Variants in HPCAL1 observed in about 807,000 individuals in gnomAD.
The protein encoded by HPCAL1 is hippocalcin-like protein 1.
A neutral mutation model predicts 17.1 loss-of-function variants in HPCAL1; 8 were observed. The observed-to-expected ratio is 0.47, with a 90% confidence interval of 0.27 to 0.84. The LOEUF (loss-of-function observed/expected upper bound fraction) is 0.84. HPCAL1 is among the 40% of genes least tolerant of loss of function. The pLI is 0.13. For missense variants in HPCAL1, 165 were observed against 271.1 expected (o/e 0.61, Z 2.75); for synonymous variants, 112 against 111.4 (o/e 1.01, Z -0.03).
At chr2:10,315,028 A>G (rs112993445) in intron 1 of HPCAL1, among the ~76,000 whole-genome samples, 1 of 152,176 alleles carries the variant, frequency 6.6e-6, no homozygotes, top group Non-Finnish European at 1.5e-5. Flanking sequence ...GCGGTGGCTC[A>G]CGCCTGTAAT....
At chr2:10,413,324 G>T (rs941575729) in intron 2 of HPCAL1, among the ~76,000 whole-genome samples, 9 of 152,354 alleles carry the variant, frequency 5.9e-5, no homozygotes, top group Admixed American at 3.9e-4. Flanking sequence ...GGGTCACACT[G>T]GAATACCAGC....
Position 10,372,139 on chromosome 2 carries a change from T to A in HPCAL1, c.-110-24696T>A, listed in dbSNP as rs923849972. ...CAGTCCAGCGCTTTTCACCATCTGGTCTGGTTTTAGTGTTGCTTTATTTCT... is the reference window on the plus strand; with the variant it reads ...CAGTCCAGCGCTTTTCACCATCTGGACTGGTTTTAGTGTTGCTTTATTTCT... On this transcript the variant is annotated intron_variant, in intron 1 of 4. Transcript: ENST00000307845. 5.9e-5 allele frequency among the ~76,000 whole-genome samples: 9 copies of A among 152,256 alleles called. No individual in the cohort carries two copies. The South Asian group carries it at 8.3e-4, about 14-fold the overall frequency.
chr2:10,414,513 T>G (rs1196247661), intron 2 of HPCAL1, among the ~76,000 whole-genome samples: 1 of 152,184 alleles, frequency 6.6e-6, no homozygotes, highest in East Asian at 1.9e-4. Flanking sequence ...TCTCCTCTTC[T>G]TATAAGGACA....
Position 10,419,745 on chromosome 2 carries a change from G to C in HPCAL1, c.-13G>C. 6.2e-7 allele frequency: 1 copy of C among 1,601,218 alleles called. No individual in the cohort carries two copies. The highest frequency in any genetic ancestry group is 1.3e-5 in the African/African-American group (1 of 74,822). On this transcript the variant is annotated 5_prime_UTR_variant, in exon 3 of 5. Coordinates refer to ENST00000307845, the MANE Select transcript of HPCAL1 (RefSeq NM_002149.4). The surrounding 1 kb of genome is among the most constrained non-coding windows in gnomAD (Gnocchi z 5.0). ...CCCCTGTCTTGCAGGTGTAGTCGCC[G>C]CCGCCAGCCGCCATGGGCAAACAGA...
intron 1 of HPCAL1, among the ~76,000 whole-genome samples, chr2:10,311,950 A>G (rs57488937): frequency 0.039 from 5,854 of 151,860 alleles, 373 homozygotes; most frequent in African/African-American, 0.13. Flanking sequence ...CACTGTCATC[A>G]TCACCATCAT....
intron 1 of HPCAL1, among the ~76,000 whole-genome samples, chr2:10,380,963 T>C (rs1027931196): frequency 6.6e-6 from 1 of 152,234 alleles, no homozygotes; most frequent in African/African-American, 2.4e-5. Context: ...TAAATGAGAC[T>C]TCTATTCCAG....
intron 1 of HPCAL1, among the ~76,000 whole-genome samples, chr2:10,319,527 C>T (rs1663534001): frequency 7.6e-6 from 1 of 131,948 alleles, no homozygotes; most frequent in Non-Finnish European, 1.6e-5. Flanking sequence ...CTCAAACAGC[C>T]AGCTGTGTGA....
chr2:10,390,931 A>G (rs1668649711), intron 1 of HPCAL1, among the ~76,000 whole-genome samples: 1 of 152,214 alleles, frequency 6.6e-6, no homozygotes, highest in Non-Finnish European at 1.5e-5. Context: ...CTTAGAGAAC[A>G]TGAATATTCC....
At position 10,331,354 on chromosome 2, in the gene HPCAL1, CCCT is replaced by C. The variant is rs142378970; in HGVS notation, c.-111+28184_-111+28186del. 4.8e-3 allele frequency among the ~76,000 whole-genome samples: 725 copies of C among 152,324 alleles called. 2 individuals are homozygous for C. Among genetic ancestry groups the C allele is most frequent in the Middle Eastern group, 0.014 (4 of 294 alleles). ...CACCTCGCCACCTACGCATCGTCAC[CCCT>C]CCTCCTGCGTTTCCTCCTGTCTCCC... On this transcript the variant is annotated intron_variant, in intron 1 of 4. Coordinates refer to ENST00000307845, the MANE Select transcript of HPCAL1 (RefSeq NM_002149.4). The surrounding 1 kb of genome is among the most constrained non-coding windows in gnomAD (Gnocchi z 5.0).
chr2:10,305,586 A>C (rs1246128452), intron 1 of HPCAL1, among the ~76,000 whole-genome samples: 1 of 152,182 alleles, frequency 6.6e-6, no homozygotes, highest in Non-Finnish European at 1.5e-5. Context: ...AATTTGGGAG[A>C]CTTTGTCTTT....
chr2:10,329,033 T>C (rs567492776), intron 1 of HPCAL1, among the ~76,000 whole-genome samples: 1 of 152,302 alleles, frequency 6.6e-6, no homozygotes, highest in South Asian at 2.1e-4. Flanking sequence ...TCTTGCCGTG[T>C]TGCCCAGGCT....
intron 3 of HPCAL1, 139 bp downstream of exon 3, chr2:10,420,274 ATC>A: frequency 1.3e-6 from 1 of 768,180 alleles, no homozygotes; most frequent in Non-Finnish European, 2.0e-6. Context: ...CAGTGGCACT[ATC>A]TCAGCTCACT....
intron 1 of HPCAL1, among the ~76,000 whole-genome samples, chr2:10,392,073 C>T (rs187747642): frequency 1.4e-4 from 21 of 151,926 alleles, no homozygotes; most frequent in Admixed American, 1.2e-3. Flanking sequence ...GACGTGGTCT[C>T]GATCTATCCC....
rs563171919 is a variant in HPCAL1 at position 10,363,165 on chromosome 2, C to G, written c.-110-33670C>G. Among the ~76,000 whole-genome samples the G allele has an allele frequency of 2.4e-4, 36 of 152,188 alleles. No individual in the cohort carries two copies. The highest frequency in any genetic ancestry group is 5.9e-4 in the Admixed American group (9 of 15,288). On this transcript the variant is annotated intron_variant, in intron 1 of 4. Transcript: ENST00000307845. The surrounding 1 kb of genome is among the most constrained non-coding windows in gnomAD (Gnocchi z 4.7). ...AAACCCATTCTCACTCTAACCCATG[C>G]TGTATCTGATTTTTTTCCTGAGGTA...
At chr2:10,339,097 C>T (rs1664905697) in intron 1 of HPCAL1, among the ~76,000 whole-genome samples, 1 of 152,090 alleles carries the variant, frequency 6.6e-6, no homozygotes, top group South Asian at 2.1e-4. Flanking sequence ...TTGCACGAAG[C>T]TGAGGAATGG....
intron 1 of HPCAL1, among the ~76,000 whole-genome samples, chr2:10,347,705 C>T (rs933061197): frequency 3.9e-5 from 6 of 152,104 alleles, no homozygotes; most frequent in Non-Finnish European, 7.4e-5. Flanking sequence ...GTCTGCGGGG[C>T]GGGGTTGGGC....
At chr2:10,406,996 A>G (rs923750066) in intron 2 of HPCAL1, among the ~76,000 whole-genome samples, 1 of 152,070 alleles carries the variant, frequency 6.6e-6, no homozygotes, top group African/African-American at 2.4e-5. Context: ...TCCTCTCCAA[A>G]GACTCAAGCT....
chr2:10,423,099 G>A lies in HPCAL1; in HGVS notation c.484+11G>A, dbSNP rs574285459. ...ACACCAACAATGACGGTAGTGCGGG[G>A]TGGGGGCGGGGCTGCATGTGTACGC... On this transcript the variant is annotated intron_variant, in intron 4 of 4. Transcript: ENST00000307845. 1.3e-6 allele frequency: 2 copies of A among 1,590,568 alleles called. No homozygotes were observed. The highest frequency in any genetic ancestry group is 1.7e-5 in the Admixed American group (1 of 59,970).
At position 10,324,827 on chromosome 2, in the gene HPCAL1, T is replaced by TTG. The variant is rs1385403454; in HGVS notation, c.-111+21651_-111+21652insGT. ...TTGCTGGTTTTTGTGTTTTTTTTTT[T>TTG]TTTTTTTTTTTTTGAGACAGAGTCT... On this transcript the variant is annotated intron_variant, in intron 1 of 4. Coordinates refer to ENST00000307845, the MANE Select transcript of HPCAL1 (RefSeq NM_002149.4). 3.5e-5 allele frequency among the ~76,000 whole-genome samples: 4 copies of TTG among 114,328 alleles called. No individual in the cohort carries two copies. The East Asian group carries it at 1.0e-3, about 30-fold the overall frequency. 75.0% of individuals were successfully genotyped at this position (114,328 alleles called of 152,430 possible).
Sources: allele counts gnomAD v4.1 joint callset (sites outside exome capture counted in the v4.1 genomes callset), GRCh38; gene constraint gnomAD v4.1.1; non-coding constraint Gnocchi (gnomAD v3.1); transcripts MANE v1.5; gene names NCBI Gene and HGNC (gene_info 2026-07-23, HGNC 2026-07-21).